Variants in VIPR2 observed in about 807,000 individuals in gnomAD.
VIPR2 encodes the protein vasoactive intestinal peptide receptor 2, also known as vasoactive intestinal polypeptide receptor 2.
A neutral mutation model predicts 58.0 loss-of-function variants in VIPR2; 48 were observed. The observed-to-expected ratio is 0.83, with a 90% CI of 0.66 to 1.05. The LOEUF is 1.05. VIPR2 is among the 50% of genes least tolerant of loss of function. The pLI is 0.00. For missense variants in VIPR2, 534 were observed against 558.0 expected (o/e 0.96, Z 0.43); for synonymous variants, 243 against 235.2 (o/e 1.03, Z -0.30).
intron 4 of VIPR2, among the ~76,000 whole-genome samples, chr7:159,072,615 G>T (rs972042074): frequency 6.6e-6 from 1 of 152,176 alleles, no homozygotes; most frequent in Admixed American, 6.5e-5. Context: ...CTTCCTGGAC[G>T]ACAGGCCCAT....
chr7:159,062,636 A>G (rs1855763664), intron 4 of VIPR2, among the ~76,000 whole-genome samples: 1 of 152,150 alleles, frequency 6.6e-6, no homozygotes, highest in African/African-American at 2.4e-5. Context: ...ATTACAGCTC[A>G]TAAGCGCAGT....
At chr7:159,123,317 A>C (rs1796537712) in intron 2 of VIPR2, among the ~76,000 whole-genome samples, 1 of 138,770 alleles carries the variant, frequency 7.2e-6, no homozygotes, top group Non-Finnish European at 1.6e-5. Flanking sequence ...AAAAAAAAAG[A>C]AAGAAAAAAA....
Position 159,030,214 on chromosome 7 carries a change from G to A in VIPR2, c.*402C>T, listed in dbSNP as rs565935803. On this transcript the variant is annotated 3_prime_UTR_variant, in exon 13 of 13. Coordinates refer to ENST00000262178, the MANE Select transcript of VIPR2 (RefSeq NM_003382.5). Reference sequence around the variant, plus strand: ...CAAAAAATTAGCCAGGCGTGTTGGCGGGCGCCTGTAGTCCCAGCTATGGGA... The same window carrying A: ...CAAAAAATTAGCCAGGCGTGTTGGCAGGCGCCTGTAGTCCCAGCTATGGGA... 4 of 181,790 alleles carry A rather than the reference G, an allele frequency of 2.2e-5. No homozygotes were observed. Among genetic ancestry groups the A allele is most frequent in the South Asian group, 2.0e-4 (1 of 5,110 alleles). 11.3% of individuals were successfully genotyped at this position (181,790 alleles called of 1,614,324 possible).
intron 2 of VIPR2, among the ~76,000 whole-genome samples, chr7:159,119,404 A>G (rs1796368170): frequency 6.6e-6 from 1 of 152,216 alleles, no homozygotes. Flanking sequence ...GAGCTCCTGC[A>G]GGACAACACG....
chr7:159,064,433 G>C (rs1338991237), intron 4 of VIPR2, among the ~76,000 whole-genome samples: 1 of 152,144 alleles, frequency 6.6e-6, no homozygotes, highest in Non-Finnish European at 1.5e-5. Context: ...CGGCTCCTGA[G>C]GCAGCAGTGT....
chr7:159,144,578 CG>C (rs1249875424), intron 1 of VIPR2, 142 bp downstream of exon 1: 1 of 1,414,146 alleles, frequency 7.1e-7, no homozygotes, highest in Non-Finnish European at 9.3e-7. Flanking sequence ...CTCCGGACCC[CG>C]GGCGACCCCG....
chr7:159,034,054 G>C (rs1200408488), intron 10 of VIPR2, among the ~76,000 whole-genome samples, 159 bp downstream of exon 10: 1 of 152,196 alleles, frequency 6.6e-6, no homozygotes, highest in Non-Finnish European at 1.5e-5. Context: ...GGGCCTCTCT[G>C]AGCCTTGGGC....
intron 2 of VIPR2, among the ~76,000 whole-genome samples, chr7:159,133,300 C>T (rs1425678784): frequency 5.2e-5 from 8 of 152,430 alleles, no homozygotes; most frequent in East Asian, 1.9e-4. Flanking sequence ...ACACGGCCCA[C>T]GGTCCCAATA....
intron 2 of VIPR2, 136 bp from the exon 3 acceptor site, chr7:159,110,055 A>ATAGT: frequency 1.3e-6 from 1 of 759,002 alleles, no homozygotes; most frequent in Non-Finnish European, 2.1e-6. Context: ...TATTGAGACT[A>ATAGT]TAGTTAGCTT....
intron 2 of VIPR2, among the ~76,000 whole-genome samples, chr7:159,136,819 A>G (rs943482800): frequency 7.2e-5 from 11 of 152,170 alleles, no homozygotes; most frequent in African/African-American, 2.7e-4. Context: ...GGCCAGCAGG[A>G]ATTGTTACTG....
chr7:159,086,582 G>A (rs935158492), intron 4 of VIPR2, among the ~76,000 whole-genome samples: 2 of 152,348 alleles, frequency 1.3e-5, no homozygotes, highest in Middle Eastern at 3.4e-3. Context: ...TCTCAACCCG[G>A]GGGATGTCAA....
At position 159,095,411 on chromosome 7, in the gene VIPR2, T is replaced by C. The variant is rs1323922799; in HGVS notation, c.357+8346A>G. Among the ~76,000 whole-genome samples, 1 of 152,190 alleles carries C rather than the reference T, an allele frequency of 6.6e-6. No homozygotes were observed. Among genetic ancestry groups the C allele is most frequent in the African/African-American group, 2.4e-5 (1 of 41,440 alleles). On this transcript the variant is annotated intron_variant, in intron 4 of 12. Coordinates refer to ENST00000262178, the MANE Select transcript of VIPR2 (RefSeq NM_003382.5). The surrounding 1 kb of genome is among the most constrained non-coding windows in gnomAD (Gnocchi z 5.2). The stretch of plus-strand genomic sequence containing the variant: ...ACAGTCGGGGAACCTGGCCCTGTTC[T>C]TGCAACTAACTTCAAAACAGCTGCT...
At position 159,116,489 on chromosome 7, in the gene VIPR2, C is replaced by T. The variant is rs138117901; in HGVS notation, c.152-6570G>A. ...TCAGTCACAGGGGCTGGTCAGGGGG[C>T]TGGAAGCTTCCAGGCAATGAGTGAC... On this transcript the variant is annotated intron_variant, in intron 2 of 12. Transcript: ENST00000262178. 3.3e-5 allele frequency among the ~76,000 whole-genome samples: 5 copies of T among 152,254 alleles called. No individual in the cohort carries two copies. The East Asian group carries it at 9.7e-4, about 29-fold the overall frequency.
chr7:159,044,840 A>C (rs527742041), intron 5 of VIPR2, among the ~76,000 whole-genome samples: 57 of 152,032 alleles, frequency 3.7e-4, no homozygotes, highest in African/African-American at 1.3e-3. Flanking sequence ...ATCTTGGCTC[A>C]TTGCAACTTC....
intron 5 of VIPR2, among the ~76,000 whole-genome samples, chr7:159,046,542 G>A (rs1854661618): frequency 6.8e-6 from 1 of 147,034 alleles, no homozygotes; most frequent in South Asian, 2.3e-4. Flanking sequence ...TATGGGGAGT[G>A]ACTGCCTCAT....
At position 159,076,277 on chromosome 7, in the gene VIPR2, A is replaced by G. The variant is rs574265317; in HGVS notation, c.358-17699T>C. ...AAAAAAACAAAAATGTTGCTTGTAG[A>G]TCGTGTAAGTCCATAAGTAAGATAG... On this transcript the variant is annotated intron_variant, in intron 4 of 12. Transcript: ENST00000262178. Among the ~76,000 whole-genome samples the G allele has an allele frequency of 1.8e-4, 27 of 152,324 alleles. 1 individual carries two copies. The highest frequency in any genetic ancestry group is 6.5e-4 in the African/African-American group (27 of 41,564).
chr7:159,058,813 C>T (rs1855473414), intron 4 of VIPR2, among the ~76,000 whole-genome samples: 1 of 152,210 alleles, frequency 6.6e-6, no homozygotes, highest in South Asian at 2.1e-4. Context: ...TGGATGGTTC[C>T]TGTAAAGCAC....
chr7:159,094,704 C>T (rs906666262), intron 4 of VIPR2, among the ~76,000 whole-genome samples: 4 of 152,230 alleles, frequency 2.6e-5, no homozygotes, highest in Non-Finnish European at 5.9e-5. Context: ...AGGCAGACAG[C>T]CCGTAATCAG....
chr7:159,139,321 C>T (rs1430586292), intron 2 of VIPR2, among the ~76,000 whole-genome samples: 1 of 152,190 alleles, frequency 6.6e-6, no homozygotes, highest in Non-Finnish European at 1.5e-5. Context: ...AGCTACAACA[C>T]AAATGCACTG....
Sources: allele counts gnomAD v4.1 joint callset (sites outside exome capture counted in the v4.1 genomes callset), GRCh38; gene constraint gnomAD v4.1.1; non-coding constraint Gnocchi (gnomAD v3.1); transcripts MANE v1.5; gene names NCBI Gene and HGNC (gene_info 2026-07-23, HGNC 2026-07-21).